EFCAB6: variants seen among roughly 807,000 people sequenced by gnomAD.
EFCAB6 encodes the protein EF-hand calcium-binding domain-containing protein 6.
EFCAB6 carries 156 observed loss-of-function variants against 169.8 expected under a neutral mutation model. The ratio of observed to expected loss-of-function variants is 0.92; its 90% CI spans 0.81 to 1.05. EFCAB6 has a LOEUF of 1.05. Among genes scored for constraint, EFCAB6 ranks in the 50% least tolerant of loss-of-function variants. EFCAB6 has a pLI of 0.00. For missense variants in EFCAB6, 1,800 were observed against 1,829.1 expected, an observed-to-expected ratio of 0.98 and a Z score of 0.29; for synonymous variants, 698 against 676.4, an observed-to-expected ratio of 1.03 and a Z score of -0.50.
intron 7 of EFCAB6, among the ~76,000 whole-genome samples, chr22:43,734,892 C>T (rs187974699): frequency 1.3e-5 from 2 of 152,312 alleles, no homozygotes; most frequent in Non-Finnish European, 2.9e-5. Flanking sequence ...GCAGCAGCCA[C>T]ATTGTCTTTA....
intron 9 of EFCAB6, among the ~76,000 whole-genome samples, chr22:43,712,361 A>T (rs2059191438): frequency 6.6e-6 from 1 of 152,190 alleles, no homozygotes; most frequent in South Asian, 2.1e-4. Context: ...AACTGGGATA[A>T]GAAGATAAAC....
chr22:43,668,857 T>A lies in EFCAB6; in HGVS notation c.1814+15A>T, dbSNP rs1224639385. The A allele has an allele frequency of 6.4e-7, 1 of 1,573,366 alleles. No individual in the cohort carries two copies. Among genetic ancestry groups the A allele is most frequent in the Non-Finnish European group, 8.6e-7 (1 of 1,158,878 alleles). ...CTGTGGTTTTGATATGTGCATTCATTTTGCTTAATTTTACCTCTCAGAAAG... is the reference window on the plus strand; with the variant it reads ...CTGTGGTTTTGATATGTGCATTCATATTGCTTAATTTTACCTCTCAGAAAG... On this transcript the variant is annotated intron_variant, in intron 16 of 31. Transcript: ENST00000262726.
intron 17 of EFCAB6, among the ~76,000 whole-genome samples, chr22:43,652,307 A>AT (rs1271184943): frequency 6.6e-6 from 1 of 152,060 alleles, no homozygotes; most frequent in East Asian, 1.9e-4. Context: ...AAGCTCTCTC[A>AT]TTTTTTGCCT....
intron 2 of EFCAB6, among the ~76,000 whole-genome samples, chr22:43,799,013 G>A (rs2062608789): frequency 6.6e-6 from 1 of 151,984 alleles, no homozygotes; most frequent in Admixed American, 6.6e-5. Context: ...CATAATTATG[G>A]TACTCCCTTG....
chr22:43,531,442 TAAAA>T (rs527862029), intron 30 of EFCAB6, among the ~76,000 whole-genome samples: 1 of 152,008 alleles, frequency 6.6e-6, no homozygotes, highest in Admixed American at 6.6e-5. Flanking sequence ...TGAACAGTGT[TAAAA>T]AAAATTCACA....
intron 2 of EFCAB6, among the ~76,000 whole-genome samples, chr22:43,784,600 C>CATAT (rs1168559207): frequency 1.3e-5 from 1 of 78,746 alleles, no homozygotes; most frequent in African/African-American, 5.4e-5. Context: ...TGTATATATA[C>CATAT]ACATATATAT....
intron 8 of EFCAB6, among the ~76,000 whole-genome samples, chr22:43,730,797 G>A (rs2059921840): frequency 6.6e-6 from 1 of 152,160 alleles, no homozygotes; most frequent in African/African-American, 2.4e-5. Flanking sequence ...ACAGCTCCTG[G>A]CACAGGAGGC....
At chr22:43,762,951 T>A (rs937145403) in intron 5 of EFCAB6, among the ~76,000 whole-genome samples, 1 of 152,158 alleles carries the variant, frequency 6.6e-6, no homozygotes, top group East Asian at 1.9e-4. Flanking sequence ...ATCATCTTAG[T>A]CCCCACTTAG....
intron 2 of EFCAB6, among the ~76,000 whole-genome samples, chr22:43,804,415 C>T (rs1337181831): frequency 6.6e-6 from 1 of 151,966 alleles, no homozygotes; most frequent in African/African-American, 2.4e-5. Flanking sequence ...CTTCAAGGAG[C>T]TAGAAAAGCC....
intron 2 of EFCAB6, among the ~76,000 whole-genome samples, chr22:43,783,577 A>G (rs1470064813): frequency 6.6e-6 from 1 of 152,214 alleles, no homozygotes; most frequent in African/African-American, 2.4e-5. Flanking sequence ...ATTTACGGAA[A>G]TTTCTATCCA....
chr22:43,583,796 C>T (rs2050882029), intron 24 of EFCAB6, among the ~76,000 whole-genome samples: 1 of 152,176 alleles, frequency 6.6e-6, no homozygotes, highest in African/African-American at 2.4e-5. Flanking sequence ...TACCTCAATT[C>T]TGAACTTCCT....
At chr22:43,738,912 C>A (rs968117225) in intron 6 of EFCAB6, among the ~76,000 whole-genome samples, 4 of 152,194 alleles carry the variant, frequency 2.6e-5, no homozygotes, top group African/African-American at 4.8e-5. Flanking sequence ...GATGAACCTC[C>A]GTGATCCTAC....
intron 23 of EFCAB6, 120 bp from the exon 24 acceptor site, chr22:43,590,349 T>G: frequency 8.4e-7 from 1 of 1,197,536 alleles, no homozygotes; most frequent in Non-Finnish European, 1.1e-6. Flanking sequence ...GAACTAATTT[T>G]GAAGATGTTT....
intron 24 of EFCAB6, 135 bp downstream of exon 24, chr22:43,589,939 C>T: frequency 8.5e-7 from 1 of 1,175,708 alleles, no homozygotes; most frequent in Non-Finnish European, 1.2e-6. Context: ...CTAATGTAAC[C>T]CAGCAAACAG....
intron 8 of EFCAB6, among the ~76,000 whole-genome samples, chr22:43,721,276 C>G (rs1297115637): frequency 6.6e-6 from 1 of 152,146 alleles, no homozygotes; most frequent in Non-Finnish European, 1.5e-5. Flanking sequence ...TTGAAAGAAT[C>G]AGTATCATTA....
chr22:43,799,775 G>A (rs1271862717), intron 2 of EFCAB6, among the ~76,000 whole-genome samples: 1 of 152,140 alleles, frequency 6.6e-6, no homozygotes, highest in Non-Finnish European at 1.5e-5. Context: ...ATATGAAGAC[G>A]AAACAGATCT....
chr22:43,530,187 G>T (rs1272759778), intron 31 of EFCAB6, among the ~76,000 whole-genome samples: 1 of 152,256 alleles, frequency 6.6e-6, no homozygotes. Context: ...TGCCGGAAGG[G>T]AATAACAGAA....
chr22:43,560,938 C>A (rs1201050198), intron 26 of EFCAB6, among the ~76,000 whole-genome samples: 2 of 152,216 alleles, frequency 1.3e-5, no homozygotes, highest in Non-Finnish European at 2.9e-5. Flanking sequence ...AGCAGCCCAA[C>A]TGCGTGGCGG....
At chr22:43,724,367 C>CTTTTTTTT (rs58226287) in intron 8 of EFCAB6, among the ~76,000 whole-genome samples, 8 of 107,872 alleles carry the variant, frequency 7.4e-5, no homozygotes, top group Non-Finnish European at 1.3e-4. Context: ...TTTCTTTTTT[C>CTTTTTTTT]TTTTTTTTTT....
Sources: allele counts gnomAD v4.1 joint callset (sites outside exome capture counted in the v4.1 genomes callset), GRCh38; gene constraint gnomAD v4.1.1; transcripts MANE v1.5; gene names NCBI Gene and HGNC (gene_info 2026-07-23, HGNC 2026-07-21).